PFKFB3: variants seen among roughly 807,000 people sequenced by gnomAD.
PFKFB3 encodes the protein 6-phosphofructo-2-kinase/fructose-2,6-biphosphatase 3, also known as 6-phosphofructo-2-kinase/fructose-2,6-bisphosphatase 3.
PFKFB3 carries 33 observed loss-of-function variants against 68.0 expected under a neutral mutation model. That is an observed-to-expected ratio of 0.49 (90% confidence interval 0.37 to 0.65). PFKFB3 has a LOEUF of 0.65. Among genes scored for constraint, PFKFB3 ranks in the 30% least tolerant of loss-of-function variants. The pLI, the probability that PFKFB3 is intolerant of heterozygous loss-of-function variation, is 0.00. For synonymous variants in PFKFB3, 315 were observed against 288.2 expected, an observed-to-expected ratio of 1.09 and a Z score of -0.94; for missense variants, 586 against 712.2, an observed-to-expected ratio of 0.82 and a Z score of 2.02.
downstream of PFKFB3, among the ~76,000 whole-genome samples, chr10:6,259,565 T>TCCATCCATCCATCCATCCAC (rs1564239544): frequency 2.2e-5 from 3 of 133,496 alleles, no homozygotes; most frequent in African/African-American, 8.2e-5. Flanking sequence ...CATCCATCCA[T>TCCATCCATCCATCCATCCAC]CCACTCATCC....
At chr10:6,310,648 T>C in the PFKFB3 span, among the ~76,000 whole-genome samples, 1 of 152,226 alleles carries the variant, frequency 6.6e-6, no homozygotes, top group Non-Finnish European at 1.5e-5. Flanking sequence ...TGTAGTTCTT[T>C]TATTTTTTTA....
At chr10:6,236,694 G>A (rs554604088), downstream of PFKFB3, among the ~76,000 whole-genome samples, 14 of 152,228 alleles carry the variant, frequency 9.2e-5, no homozygotes, top group Non-Finnish European at 2.1e-4. Flanking sequence ...GAGCAGTGGC[G>A]TTGACGGAAA....
exon 15 of PFKFB3, chr10:6,254,470 T>C (rs1406530149): frequency 2.5e-6 from 1 of 397,974 alleles, no homozygotes; most frequent in Non-Finnish European, 4.4e-6. Context: ...TCAGTGTCAG[T>C]TGTGTAAAAT....
chr10:6,318,642 C>T, the PFKFB3 span, among the ~76,000 whole-genome samples: 5 of 152,196 alleles, frequency 3.3e-5, no homozygotes, highest in African/African-American at 1.2e-4. Flanking sequence ...GCAGCTTTCT[C>T]GTGACTGATG....
chr10:6,263,437 C>A, the PFKFB3 span, among the ~76,000 whole-genome samples: 1,386 of 152,294 alleles, frequency 9.1e-3, 10 homozygotes, highest in Non-Finnish European at 0.014. Context: ...TTGTTTATGG[C>A]CAGTTTTGGG....
chr10:6,260,562 A>G, the PFKFB3 span, among the ~76,000 whole-genome samples: 3 of 151,984 alleles, frequency 2.0e-5, no homozygotes, highest in Non-Finnish European at 4.4e-5. Context: ...TTCTTTTTAT[A>G]GTTTTACCAT....
the PFKFB3 span, among the ~76,000 whole-genome samples, chr10:6,307,587 C>T: frequency 6.9e-6 from 1 of 145,930 alleles, no homozygotes; most frequent in African/African-American, 2.5e-5. Context: ...TCTCCCTCCC[C>T]CACCCTTTCT....
chr10:6,285,984 T>G, the PFKFB3 span, among the ~76,000 whole-genome samples: 1 of 144,164 alleles, frequency 6.9e-6, no homozygotes, highest in Non-Finnish European at 1.5e-5. Context: ...TTTTTTTTTT[T>G]TTTTTTTTTT....
At chr10:6,159,192 C>T (rs533473093) in intron 1 of PFKFB3, among the ~76,000 whole-genome samples, 11 of 151,702 alleles carry the variant, frequency 7.3e-5, no homozygotes, top group East Asian at 1.9e-4. Flanking sequence ...GTCAGGAGTT[C>T]GAGATCAGCC....
intron 11 of PFKFB3, 24 bp from the exon 12 acceptor site, chr10:6,223,932 CTG>C: frequency 6.2e-7 from 1 of 1,607,164 alleles, no homozygotes; most frequent in Non-Finnish European, 8.5e-7. Context: ...TCATTTCTAA[CTG>C]TGGGTGTACA....
At chr10:6,308,023 C>A in the PFKFB3 span, among the ~76,000 whole-genome samples, 2 of 152,200 alleles carry the variant, frequency 1.3e-5, no homozygotes, top group Non-Finnish European at 2.9e-5. Flanking sequence ...AAAACCCTCA[C>A]CAGATGCTGG....
At chr10:6,262,439 C>T in the PFKFB3 span, among the ~76,000 whole-genome samples, 773 of 111,852 alleles carry the variant, frequency 6.9e-3, 5 homozygotes, top group Middle Eastern at 0.031. Context: ...TGGGCGACAG[C>T]GAGACTCCAT....
At chr10:6,290,373 T>C in the PFKFB3 span, among the ~76,000 whole-genome samples, 3 of 152,038 alleles carry the variant, frequency 2.0e-5, no homozygotes, top group African/African-American at 7.3e-5. Flanking sequence ...TTTTGAGATA[T>C]GTCCCATCAA....
chr10:6,269,744 GT>G, the PFKFB3 span, among the ~76,000 whole-genome samples: 1 of 152,134 alleles, frequency 6.6e-6, no homozygotes, highest in Non-Finnish European at 1.5e-5. Context: ...GAGTTATTTT[GT>G]ACCTGGACAA....
At chr10:6,187,976 T>TATCTATCTATCTATCTATCC (rs897688839) in intron 1 of PFKFB3, among the ~76,000 whole-genome samples, 6 of 123,550 alleles carry the variant, frequency 4.9e-5, no homozygotes, top group Admixed American at 1.9e-4. Flanking sequence ...TCTATCTATC[T>TATCTATCTATCTATCTATCC]ATCCATCCAT....
At position 6,229,323 on chromosome 10, in the gene PFKFB3, G is replaced by T. The variant is rs1845577592; in HGVS notation, c.1515+2958G>T. 1 of 368,148 alleles carries T rather than the reference G, an allele frequency of 2.7e-6. No individual in the cohort carries two copies. Among genetic ancestry groups the T allele is most frequent in the Admixed American group, 3.3e-5 (1 of 30,768 alleles). 22.8% of individuals were successfully genotyped at this position (368,148 alleles called of 1,614,324 possible). On this transcript the variant is annotated intron_variant, in intron 14 of 14. Transcript: ENST00000379775. The surrounding 1 kb of genome is among the most constrained non-coding windows in gnomAD (Gnocchi z 4.3). ...CCCCGTTTAATGGTTGAGGGGCTGA[G>T]TGACCGGCCCGTGCTTCCAGCAGGT...
chr10:6,185,402 T>A (rs992711965), intron 1 of PFKFB3, among the ~76,000 whole-genome samples: 19 of 152,242 alleles, frequency 1.2e-4, no homozygotes, highest in African/African-American at 4.3e-4. Flanking sequence ...GAGGCTTACA[T>A]TCTTTTCTGA....
the PFKFB3 span, among the ~76,000 whole-genome samples, chr10:6,291,681 A>G: frequency 6.6e-6 from 1 of 152,178 alleles, no homozygotes; most frequent in Non-Finnish European, 1.5e-5. Flanking sequence ...CTCAAATACA[A>G]CTAAGCAGCT....
the PFKFB3 span, among the ~76,000 whole-genome samples, chr10:6,320,747 G>A: frequency 6.6e-6 from 1 of 152,156 alleles, no homozygotes; most frequent in South Asian, 2.1e-4. Flanking sequence ...TTCTGTCTGT[G>A]TTCTTCACCC....
Sources: gnomAD v4.1 joint callset for allele counts (sites outside exome capture counted in the v4.1 genomes callset) on GRCh38, gnomAD v4.1.1 for gene constraint, Gnocchi (gnomAD v3.1) non-coding constraint, MANE v1.5 for transcripts, NCBI Gene and HGNC (gene_info 2026-07-23, HGNC 2026-07-21) for gene names.